The following SLC7A14 variants were observed in gnomAD, a reference collection of about 807,000 sequenced individuals.
The protein encoded by SLC7A14 is solute carrier family 7 member 14, also known as gamma-aminobutyric acid transporter SLC7A14.
SLC7A14 carries 37 observed loss-of-function variants against 60.2 expected under a neutral mutation model. The observed-to-expected ratio is 0.61, with a 90% CI of 0.47 to 0.81. SLC7A14 has a LOEUF of 0.81. Among genes scored for constraint, SLC7A14 ranks in the 30% least tolerant of loss-of-function variants. SLC7A14 has a pLI of 0.00. For synonymous variants in SLC7A14, 399 were observed against 395.8 expected (o/e 1.01, Z -0.10); for missense variants, 886 against 982.7 (o/e 0.90, Z 1.32).
intron 1 of SLC7A14, among the ~76,000 whole-genome samples, chr3:170,530,304 G>T (rs567717131): frequency 1.4e-4 from 22 of 152,260 alleles, no homozygotes; most frequent in Non-Finnish European, 3.1e-4. Flanking sequence ...GGATAGAGCG[G>T]GTGTTGCATC....
intron 4 of SLC7A14, among the ~76,000 whole-genome samples, chr3:170,489,949 T>A (rs1712161456): frequency 6.8e-6 from 1 of 146,652 alleles, no homozygotes; most frequent in Non-Finnish European, 1.5e-5. Context: ...CTGGGAAGGA[T>A]AGTTGGGGGC....
At position 170,558,532 on chromosome 3, in the gene SLC7A14, GA is replaced by G. The variant is rs370596933; in HGVS notation, c.-153+27378del. Among the ~76,000 whole-genome samples the G allele has an allele frequency of 7.3e-3, 1,113 of 152,222 alleles. 16 individuals carry two copies. Among genetic ancestry groups the G allele is most frequent in the African/African-American group, 0.025 (1,052 of 41,532 alleles). On this transcript the variant is annotated intron_variant, in intron 1 of 7. Transcript: ENST00000231706. ...GTTAACTACTTAAACTCCCTTTCAG[GA>G]GTACAATTCTCAAGTTCACAATCCC...
At position 170,467,241 on chromosome 3, in the gene SLC7A14, G is replaced by C; in HGVS notation, c.2130C>G (p.Tyr710Ter). ...CCTCCTGGCTCTCGCCCTCTGTGGC[G>C]TAGGAGAAACCCTCCTCCACTGAGA... ...DPFSVEEGFS[Y>*]ATEGESQEDW... is the part of the protein sequence containing the mutation. Residue 710 changes from tyrosine to a stop codon, truncating the protein, a stop_gained, in exon 8 of 8, where the codon TAC (tyrosine) becomes TAG (stop). Coordinates refer to ENST00000231706, the MANE Select transcript of SLC7A14 (RefSeq NM_020949.3). LOFTEE classifies it high-confidence loss of function. 2 of 1,614,258 alleles carry C rather than the reference G, an allele frequency of 1.2e-6. No homozygotes were observed. The highest frequency in any genetic ancestry group is 1.7e-6 in the Non-Finnish European group (2 of 1,180,048).
At chr3:170,566,916 C>G (rs1577568067) in intron 1 of SLC7A14, among the ~76,000 whole-genome samples, 1 of 152,054 alleles carries the variant, frequency 6.6e-6, no homozygotes, top group Non-Finnish European at 1.5e-5. Context: ...ATAGACCACC[C>G]TGAGAGATAT....
rs896117864 is a variant in SLC7A14 at position 170,462,454 on chromosome 3, T to C, written c.*4601A>G. On this transcript the variant is annotated 3_prime_UTR_variant, in exon 8 of 8. Transcript: ENST00000231706. ...TTTTCAATAATTACTAGATTTATAT[T>C]CTGGCTGACCTATAGATTCTGAAGA... 8 of 152,360 alleles carry C rather than the reference T, an allele frequency of 5.3e-5. No individual in the cohort carries two copies. The highest frequency in any genetic ancestry group is 1.9e-4 in the African/African-American group (8 of 41,596). The allele number at this position is 152,360 out of a possible 1,614,324, so 9.4% of individuals were successfully genotyped here.
intron 1 of SLC7A14, among the ~76,000 whole-genome samples, chr3:170,563,526 T>A (rs1714717478): frequency 6.6e-6 from 1 of 150,378 alleles, no homozygotes; most frequent in Admixed American, 6.7e-5. Context: ...CAAGCAATTC[T>A]CCAGCCGCAG....
chr3:170,542,852 T>A (rs936757533), intron 1 of SLC7A14, among the ~76,000 whole-genome samples: 2 of 152,236 alleles, frequency 1.3e-5, no homozygotes, highest in Non-Finnish European at 2.9e-5. Context: ...ACGTGGTTTC[T>A]ACTACTAGAT....
intron 2 of SLC7A14, among the ~76,000 whole-genome samples, chr3:170,513,816 A>G (rs1181436941): frequency 6.6e-6 from 1 of 152,084 alleles, no homozygotes; most frequent in African/African-American, 2.4e-5. Flanking sequence ...CCTTCATCAC[A>G]CCCCAGAAAT....
rs139132947 is a variant in SLC7A14 at position 170,482,582 on chromosome 3, C to T, written c.1115+732G>A. On this transcript the variant is annotated intron_variant, in intron 6 of 7. Transcript: ENST00000231706. ...GGGCTGGGGCCACATCCCCTTTGTA[C>T]CATGGGCAGATGGGCCACTTCATGG... 9.7e-4 allele frequency among the ~76,000 whole-genome samples: 147 copies of T among 152,326 alleles called. 2 individuals carry two copies. Among genetic ancestry groups the T allele is most frequent in the African/African-American group, 3.3e-3 (136 of 41,570 alleles).
At chr3:170,523,960 C>T (rs562103242) in intron 2 of SLC7A14, among the ~76,000 whole-genome samples, 1 of 152,274 alleles carries the variant, frequency 6.6e-6, no homozygotes, top group African/African-American at 2.4e-5. Context: ...CCTGGCCTGA[C>T]TAGGGGCTCT....
chr3:170,560,574 A>C (rs1184998042), intron 1 of SLC7A14, among the ~76,000 whole-genome samples: 1 of 152,158 alleles, frequency 6.6e-6, no homozygotes, highest in East Asian at 1.9e-4. Context: ...AGCAATTTTA[A>C]AGTCTGATAA....
At chr3:170,542,490 T>C (rs1474303741) in intron 1 of SLC7A14, among the ~76,000 whole-genome samples, 1 of 152,196 alleles carries the variant, frequency 6.6e-6, no homozygotes, top group Non-Finnish European at 1.5e-5. Flanking sequence ...CCATTCTGCC[T>C]CTTGCATGTC....
chr3:170,487,208 G>A (rs185920845), intron 4 of SLC7A14, among the ~76,000 whole-genome samples: 14 of 143,832 alleles, frequency 9.7e-5, no homozygotes, highest in African/African-American at 3.6e-4. Flanking sequence ...GGCTCCAGGG[G>A]TGTTTGGGAA....
rs1176334538 is a variant in SLC7A14, at chr3:170,462,190, A to G, written c.*4865T>C. The G allele has an allele frequency of 6.6e-6, 1 of 152,146 alleles. No homozygotes were observed. Among genetic ancestry groups the G allele is most frequent in the Non-Finnish European group, 1.5e-5 (1 of 68,038 alleles). The allele number at this position is 152,146 out of a possible 1,614,324, so 9.4% of individuals were successfully genotyped here. A position where few individuals can be genotyped will look rare whatever the true frequency, so the allele number is the denominator to read the frequency against. On this transcript the variant is annotated 3_prime_UTR_variant, in exon 8 of 8. Transcript: ENST00000231706. Reference sequence around the variant, plus strand: ...CTCTGACATCTTGGGCCCCTGGTAAAACCTAGTGCGAAAGGGGACGGCAAT... The same window carrying G: ...CTCTGACATCTTGGGCCCCTGGTAAGACCTAGTGCGAAAGGGGACGGCAAT...
chr3:170,539,950 CT>C (rs1713966993), intron 1 of SLC7A14, among the ~76,000 whole-genome samples: 1 of 152,120 alleles, frequency 6.6e-6, no homozygotes, highest in South Asian at 2.1e-4. Flanking sequence ...TACTATTGTA[CT>C]TTGGGGCCAG....
At position 170,467,368 on chromosome 3, in the gene SLC7A14, A is replaced by C; in HGVS notation, c.2003T>G (p.Ile668Ser). 1 of 1,591,082 alleles carries C rather than the reference A, an allele frequency of 6.3e-7. No individual in the cohort carries two copies. Among genetic ancestry groups the C allele is most frequent in the Non-Finnish European group, 8.6e-7 (1 of 1,166,398 alleles). ...GTTCCAGATGCCATATCCAAAATAA[A>C]TGAGCAGACCTGTGGGGCGAGGGGA... ...FAVWCFVGLL[I>S]YFGYGIWNST... is the part of the protein sequence containing the mutation. The change falls in exon 8 of 8, where the codon ATT (isoleucine) becomes AGT (serine). Residue 668 changes from isoleucine to serine, a missense_variant. Ile to Ser is a moderately radical substitution (Grantham distance 142). Coordinates refer to ENST00000231706, the MANE Select transcript of SLC7A14 (RefSeq NM_020949.3).
intron 1 of SLC7A14, among the ~76,000 whole-genome samples, chr3:170,576,019 T>A (rs1472143222): frequency 6.6e-6 from 1 of 152,234 alleles, no homozygotes; most frequent in Non-Finnish European, 1.5e-5. Context: ...ACCTTCAGCA[T>A]TTGCTTATGC....
rs1400322407 is a variant in SLC7A14, at chr3:170,463,516, T to C, written c.*3539A>G. The C allele has an allele frequency of 1.3e-5, 2 of 152,146 alleles. No homozygotes were observed. The highest frequency in any genetic ancestry group is 4.8e-5 in the African/African-American group (2 of 41,414). The allele number at this position is 152,146 out of a possible 1,614,324, so 9.4% of individuals were successfully genotyped here. A position where few individuals can be genotyped will look rare whatever the true frequency, so the allele number is the denominator to read the frequency against. On this transcript the variant is annotated 3_prime_UTR_variant, in exon 8 of 8. Transcript: ENST00000231706. ...CTTTATTTATATATCCCATTTCCCC[T>C]ATTTGATTTTCCTTTTTAAGAGACA...
intron 1 of SLC7A14, among the ~76,000 whole-genome samples, chr3:170,582,489 T>C (rs1259198671): frequency 6.6e-6 from 1 of 152,214 alleles, no homozygotes; most frequent in African/African-American, 2.4e-5. Flanking sequence ...GCAACTACCA[T>C]GTTGGACAGA....
Sources: gnomAD v4.1 joint callset for allele counts (sites outside exome capture counted in the v4.1 genomes callset) on GRCh38, gnomAD v4.1.1 for gene constraint, MANE v1.5 for transcripts, NCBI Gene and HGNC (gene_info 2026-07-23, HGNC 2026-07-21) for gene names.